DNAI3: variants seen among roughly 807,000 people sequenced by gnomAD.
DNAI3 encodes dynein axonemal intermediate chain 3, also known as WD repeat domain 63.
In DNAI3, 83 loss-of-function variants were observed where a neutral mutation model predicts 115.5. The ratio of observed to expected loss-of-function variants is 0.72; its 90% CI spans 0.60 to 0.86. DNAI3 has a LOEUF of 0.86. DNAI3 is among the 40% of genes least tolerant of loss of function. DNAI3 has a pLI of 0.00. For missense variants in DNAI3, 1,004 were observed against 1,075.8 expected (o/e 0.93, Z 0.93); for synonymous variants, 320 against 347.0 (o/e 0.92, Z 0.86).
In DNAI3 at chr1:85,117,844, C is replaced by A; in HGVS notation, c.1902C>A (p.Phe634Leu). 2 of 1,612,910 alleles carry A rather than the reference C, an allele frequency of 1.2e-6. No homozygotes were observed. Among genetic ancestry groups the A allele is most frequent in the Non-Finnish European group, 1.7e-6 (2 of 1,179,158 alleles). The change falls in exon 17 of 23, where the codon TTC (phenylalanine) becomes TTA (leucine). Residue 634 changes from phenylalanine to leucine, a missense_variant. Around this residue, in one of 3 missense-constraint regions of DNAI3, gnomAD observed 429 missense variants for 454.3 expected, o/e 0.94. Transcript: ENST00000294664. ...LKPIDDFCTK[F>L]FVGTEEGEVI... Reference sequence around the variant, plus strand: ...CAATAGATGACTTCTGCACAAAGTTCTTTGTGGGAACAGAGGTAAATTGGG... The same window carrying A: ...CAATAGATGACTTCTGCACAAAGTTATTTGTGGGAACAGAGGTAAATTGGG...
chr1:85,128,572 A>G, intron 20 of DNAI3, 136 bp from the exon 21 acceptor site: 1 of 664,572 alleles, frequency 1.5e-6, no homozygotes, highest in South Asian at 1.9e-5. Flanking sequence ...TGAACATCTG[A>G]TGAAAATGCC....
At chr1:85,064,283 A>G (rs755908088) in intron 1 of DNAI3, among the ~76,000 whole-genome samples, 12 of 152,166 alleles carry the variant, frequency 7.9e-5, no homozygotes, top group Non-Finnish European at 1.8e-4. Flanking sequence ...AATTCAGAAG[A>G]TATTTGGAAG....
At chr1:85,093,749 C>G in intron 9 of DNAI3, 101 bp downstream of exon 9, 1 of 1,402,040 alleles carries the variant, frequency 7.1e-7, no homozygotes, top group South Asian at 1.2e-5. Flanking sequence ...AATAAGACAC[C>G]TTCCATTTGC....
chr1:85,110,428 G>A (rs1655622385), intron 16 of DNAI3, among the ~76,000 whole-genome samples: 1 of 138,140 alleles, frequency 7.2e-6, no homozygotes, highest in African/African-American at 2.8e-5. Context: ...TCCAGTCCGG[G>A]CAACAGAGCG....
intron 17 of DNAI3, 38 bp downstream of exon 17, chr1:85,117,897 T>C (rs369510850): frequency 2.3e-5 from 36 of 1,595,220 alleles, no homozygotes; most frequent in Admixed American, 3.4e-5. Context: ...TTAATACTTA[T>C]TTATACTAAA....
At chr1:85,100,309 G>A (rs552675522) in intron 13 of DNAI3, among the ~76,000 whole-genome samples, 2,292 of 152,204 alleles carry the variant, frequency 0.015, 27 homozygotes, top group Non-Finnish European at 0.024. Context: ...AAAAGTGGAC[G>A]AAGGATATGA....
At position 85,082,300 on chromosome 1, in the gene DNAI3, GA is replaced by G; in HGVS notation, c.288del (p.Glu96AspfsTer34). ...DFHPVKKIVQ[E>X]YPGNELLLVY... is the part of the protein sequence containing the mutation. ...TCCTATCTCAATTATATTCTTGTAG[GA>G]ATATCCTGGAAATGAGCTTCTGCTT... On this transcript the variant is annotated frameshift_variant and splice_region_variant, in exon 5 of 23. Transcript: ENST00000294664. LOFTEE classifies it high-confidence loss of function. The G allele has an allele frequency of 1.2e-6, 2 of 1,608,440 alleles. No individual in the cohort carries two copies. The highest frequency in any genetic ancestry group is 1.7e-6 in the Non-Finnish European group (2 of 1,175,754).
intron 18 of DNAI3, among the ~76,000 whole-genome samples, chr1:85,123,474 A>G (rs1222082864): frequency 6.6e-6 from 1 of 152,138 alleles, no homozygotes; most frequent in Non-Finnish European, 1.5e-5. Flanking sequence ...CAAGTGTGTA[A>G]AAGCACTAAA....
Position 85,104,538 on chromosome 1 carries a change from C to T in DNAI3, c.1494C>T (p.Gly498=). ...TTGAAAAATAGATTAACAGAATGGG[C>T]TCCGTCTTTGAGAATCGAAGTGGAA... is the stretch of plus-strand genomic sequence containing the variant. The part of the protein sequence containing the change: ...LSDTFEINRM[G]SVFENRSGIC... Residue 498 remains glycine, a synonymous_variant, in exon 14 of 23, where the codon GGC becomes GGT. Coordinates refer to ENST00000294664, the MANE Select transcript of DNAI3 (RefSeq NM_145172.5). 3 of 1,613,660 alleles carry T rather than the reference C, an allele frequency of 1.9e-6. No individual in the cohort carries two copies. The South Asian group carries it at 3.3e-5, about 18-fold the overall frequency.
chr1:85,072,974 A>G (rs1654331865), intron 2 of DNAI3, 80 bp from the exon 3 acceptor site: 1 of 879,290 alleles, frequency 1.1e-6, no homozygotes, highest in Non-Finnish European at 1.7e-6. Context: ...AAAAAAAAAA[A>G]GAAGAAATAA....
At chr1:85,111,372 C>T (rs1474517295) in intron 16 of DNAI3, among the ~76,000 whole-genome samples, 2 of 152,212 alleles carry the variant, frequency 1.3e-5, no homozygotes, top group Non-Finnish European at 2.9e-5. Context: ...TCCTCCTCTT[C>T]CTTCTTTTCC....
At position 85,071,999 on chromosome 1, in the gene DNAI3, T is replaced by C; in HGVS notation, c.58T>C (p.Leu20=). The part of the protein sequence containing the change: ...SRGKKRLKPV[L]AASEDMEPVN... ...TGGCAAAAAAAGACTAAAACCAGTA[T>C]TAGCTGGTAGGAATATTTCTTCATT... The change falls in exon 2 of 23, where the codon TTA becomes CTA. Residue 20 remains leucine, a synonymous_variant. Coordinates refer to ENST00000294664, the MANE Select transcript of DNAI3 (RefSeq NM_145172.5). 6.2e-7 allele frequency: 1 copy of C among 1,611,026 alleles called. No homozygotes were observed. The highest frequency in any genetic ancestry group is 1.1e-5 in the South Asian group (1 of 89,998).
In DNAI3 at chr1:85,075,095, T is replaced by C. The variant is rs1299277684; in HGVS notation, c.103+2003T>C. On this transcript the variant is annotated intron_variant, in intron 3 of 22. Transcript: ENST00000294664. ...TTTTTGTAGAGATGGGTTCTTGTTA[T>C]GTTGCCCAGGCTGTCTTGAACTCCT... is the stretch of plus-strand genomic sequence containing the variant. 2.0e-5 allele frequency among the ~76,000 whole-genome samples: 3 copies of C among 152,176 alleles called. No homozygotes were observed. In the East Asian group the frequency reaches 5.8e-4, roughly 29 times the overall value.
chr1:85,100,894 G>A (rs566679116), intron 13 of DNAI3, among the ~76,000 whole-genome samples: 22 of 150,162 alleles, frequency 1.5e-4, no homozygotes, highest in African/African-American at 4.9e-4. Context: ...AACACCGCAT[G>A]TTCTCACCCA....
chr1:85,066,294 G>A (rs1025163752), intron 1 of DNAI3, among the ~76,000 whole-genome samples: 2 of 133,342 alleles, frequency 1.5e-5, no homozygotes, highest in Non-Finnish European at 3.1e-5. Flanking sequence ...AGGAGTAGAC[G>A]AATTATCTCT....
At chr1:85,083,477 A>G (rs926692866) in intron 5 of DNAI3, among the ~76,000 whole-genome samples, 3 of 151,990 alleles carry the variant, frequency 2.0e-5, no homozygotes, top group Non-Finnish European at 2.9e-5. Flanking sequence ...ACAGAGTGAG[A>G]CCCTGTCTCA....
At chr1:85,064,778 A>G (rs1184055196) in intron 1 of DNAI3, among the ~76,000 whole-genome samples, 4 of 152,130 alleles carry the variant, frequency 2.6e-5, no homozygotes, top group African/African-American at 9.7e-5. Flanking sequence ...CACGCCTGTA[A>G]TCCCAGCACT....
chr1:85,073,133 A>C, intron 3 of DNAI3, 41 bp downstream of exon 3: 2 of 1,423,760 alleles, frequency 1.4e-6, no homozygotes, highest in Non-Finnish European at 1.9e-6. Flanking sequence ...CCTCAGTTTT[A>C]TAATATTTTA....
intron 18 of DNAI3, among the ~76,000 whole-genome samples, chr1:85,122,859 A>G (rs1656030157): frequency 1.3e-5 from 2 of 152,212 alleles, no homozygotes; most frequent in South Asian, 4.1e-4. Context: ...GTTGTGGGCA[A>G]CAAGAAATTA....
Sources: allele counts gnomAD v4.1 joint callset (sites outside exome capture counted in the v4.1 genomes callset), GRCh38; gene constraint gnomAD v4.1.1; regional missense constraint gnomAD v4.1.1; transcripts MANE v1.5; gene names NCBI Gene and HGNC (gene_info 2026-07-23, HGNC 2026-07-21).